Variants in NRXN3 observed in about 807,000 individuals in gnomAD.
NRXN3 encodes neurexin III.
Under a neutral mutation model 137.6 loss-of-function variants are expected in NRXN3, and 32 were observed. That is an observed-to-expected ratio of 0.23 (90% CI 0.18 to 0.31). The LOEUF (loss-of-function observed/expected upper bound fraction) is 0.31, where lower values mean the gene tolerates loss of function less well. Ranked by LOEUF, NRXN3 falls within the 10% of genes least tolerant of loss-of-function variation. The pLI is 1.00. For synonymous variants in NRXN3, 798 were observed against 784.5 expected (o/e 1.02, Z -0.29); for missense variants, 1,574 against 2,062.5 (o/e 0.76, Z 4.59).
intron 19 of NRXN3, among the ~76,000 whole-genome samples, chr14:79,793,744 T>G (rs1048682755): frequency 1.3e-5 from 2 of 152,268 alleles, no homozygotes; most frequent in African/African-American, 4.8e-5. Context: ...GAATGACATT[T>G]AAGTAAATAA....
intron 10 of NRXN3, among the ~76,000 whole-genome samples, chr14:78,933,376 G>A (rs1232511089): frequency 6.6e-6 from 1 of 152,180 alleles, no homozygotes; most frequent in Non-Finnish European, 1.5e-5. Flanking sequence ...TGAATTTTCT[G>A]TAATAGAATA....
intron 10 of NRXN3, among the ~76,000 whole-genome samples, chr14:78,823,990 G>T (rs949040182): frequency 6.6e-6 from 1 of 152,030 alleles, no homozygotes; most frequent in African/African-American, 2.4e-5. Flanking sequence ...TTTAGGAAGG[G>T]ATGCCTTGTG....
intron 19 of NRXN3, among the ~76,000 whole-genome samples, chr14:79,761,127 G>T (rs1254871963): frequency 6.6e-6 from 1 of 151,552 alleles, no homozygotes; most frequent in Non-Finnish European, 1.5e-5. Context: ...TGCAAAAAAA[G>T]ATTTAATATA....
chr14:78,319,191 A>T lies in NRXN3; in HGVS notation c.757+21331A>T, dbSNP rs560132780. On this transcript the variant is annotated intron_variant, in intron 4 of 20. Coordinates refer to ENST00000335750, the MANE Select transcript of NRXN3 (RefSeq NM_001330195.2). ...AGTAGATGGGAGAGCTGGGACTCAG[A>T]TTCTTAGGAATTAGTTGTTATCTTC... Among the ~76,000 whole-genome samples the T allele has an allele frequency of 8.5e-5, 13 of 152,334 alleles. No individual in the cohort carries two copies. The South Asian group carries it at 1.4e-3, about 17-fold the overall frequency.
chr14:78,365,728 G>A (rs1054597371), intron 4 of NRXN3, among the ~76,000 whole-genome samples: 14 of 152,272 alleles, frequency 9.2e-5, no homozygotes, highest in Admixed American at 4.6e-4. Context: ...GAATATTGTC[G>A]TTAGAATTTG....
At chr14:78,301,456 C>T (rs568994027) in intron 4 of NRXN3, among the ~76,000 whole-genome samples, 11 of 152,336 alleles carry the variant, frequency 7.2e-5, no homozygotes, top group African/African-American at 2.4e-4. Context: ...GGTAACGCAT[C>T]CATTTCTAAT....
chr14:79,388,980 G>C (rs1466969732), intron 15 of NRXN3, among the ~76,000 whole-genome samples: 1 of 152,068 alleles, frequency 6.6e-6, no homozygotes, highest in Non-Finnish European at 1.5e-5. Context: ...CTTCTCCTTA[G>C]CCTTCTGCCA....
intron 1 of NRXN3, among the ~76,000 whole-genome samples, chr14:78,225,978 T>TGTTG (rs1555412853): frequency 0.016 from 1,950 of 123,636 alleles, 14 homozygotes; most frequent in African/African-American, 0.036. Flanking sequence ...TGTGTTGGTG[T>TGTTG]GTGTGTGTGT....
At chr14:79,462,918 A>ATGTATATGTATATGTACATACACATG (rs2096371303) in intron 15 of NRXN3, among the ~76,000 whole-genome samples, 1 of 152,002 alleles carries the variant, frequency 6.6e-6, no homozygotes, top group African/African-American at 2.4e-5. Context: ...ACATACACAT[A>ATGTATATGTATATGTACATACACATG]TGTATGTATA....
chr14:79,137,436 C>G (rs565365348), intron 15 of NRXN3, among the ~76,000 whole-genome samples: 1 of 85,852 alleles, frequency 1.2e-5, no homozygotes, highest in African/African-American at 5.0e-5. Flanking sequence ...TACACATACA[C>G]CCCGCCTAAA....
intron 15 of NRXN3, among the ~76,000 whole-genome samples, chr14:79,358,443 G>T (rs578002862): frequency 6.6e-6 from 1 of 151,412 alleles, no homozygotes; most frequent in South Asian, 2.1e-4. Flanking sequence ...GCATGGTGGC[G>T]GGCGCCTGTA....
At chr14:78,250,946 CAG>C (rs142667374) in intron 2 of NRXN3, among the ~76,000 whole-genome samples, 7,650 of 145,260 alleles carry the variant, frequency 0.053, 490 homozygotes, top group African/African-American at 0.16. Flanking sequence ...TCCTTCTAGC[CAG>C]AGAGAGAGAG....
chr14:78,196,578 T>C (rs2061250309), intron 1 of NRXN3, among the ~76,000 whole-genome samples: 1 of 152,206 alleles, frequency 6.6e-6, no homozygotes, highest in African/African-American at 2.4e-5. Context: ...GCAAATCTCA[T>C]TCCTTTATCA....
intron 16 of NRXN3, among the ~76,000 whole-genome samples, chr14:79,601,319 G>A (rs1191178016): frequency 2.0e-5 from 3 of 152,208 alleles, no homozygotes; most frequent in African/African-American, 7.2e-5. Flanking sequence ...GGGATTACAG[G>A]CAGGAGCCAC....
chr14:78,356,517 G>A (rs1597710009), intron 4 of NRXN3, among the ~76,000 whole-genome samples: 1 of 152,140 alleles, frequency 6.6e-6, no homozygotes. Flanking sequence ...CTCTGCTTTT[G>A]CATTCACCCA....
At chr14:79,503,117 A>G (rs1343419987) in intron 16 of NRXN3, among the ~76,000 whole-genome samples, 3 of 152,128 alleles carry the variant, frequency 2.0e-5, no homozygotes, top group Admixed American at 1.3e-4. Context: ...CATTTCTTCT[A>G]TAAAATTTGA....
At chr14:78,857,351 A>T (rs1308410585) in intron 10 of NRXN3, among the ~76,000 whole-genome samples, 3 of 152,162 alleles carry the variant, frequency 2.0e-5, no homozygotes, top group Non-Finnish European at 4.4e-5. Context: ...GAAGGAAGTT[A>T]TTCTGGCAGT....
intron 16 of NRXN3, among the ~76,000 whole-genome samples, chr14:79,584,812 C>T (rs1023329338): frequency 6.6e-6 from 1 of 152,014 alleles, no homozygotes; most frequent in African/African-American, 2.4e-5. Context: ...CCATGAACTC[C>T]CTGCATGAGC....
intron 10 of NRXN3, among the ~76,000 whole-genome samples, chr14:78,819,646 A>T (rs1251633241): frequency 6.6e-6 from 1 of 152,176 alleles, no homozygotes; most frequent in African/African-American, 2.4e-5. Flanking sequence ...ATTATGGTAA[A>T]TTTAAATGGA....
Sources: allele counts gnomAD v4.1 joint callset (sites outside exome capture counted in the v4.1 genomes callset), GRCh38; gene constraint gnomAD v4.1.1; transcripts MANE v1.5; gene names NCBI Gene and HGNC (gene_info 2026-07-23, HGNC 2026-07-21).